Variants in SYT1 observed in about 807,000 individuals in gnomAD.
SYT1 encodes the protein synaptotagmin-1.
Under a neutral mutation model 44.8 loss-of-function variants are expected in SYT1, and 8 were observed. The observed-to-expected ratio is 0.18, with a 90% CI of 0.10 to 0.32. SYT1 has a LOEUF of 0.32. Among genes scored for constraint, SYT1 ranks in the 10% least tolerant of loss-of-function variants. The probability of loss-of-function intolerance (pLI) is 1.00; values close to 1 mark genes in which losing one functional copy is unlikely to be tolerated. For synonymous variants in SYT1, 154 were observed against 188.8 expected (o/e 0.82, Z 1.51); for missense variants, 286 against 509.3 (o/e 0.56, Z 4.22).
chr12:78,896,462 T>C (rs573287016), intron 1 of SYT1, among the ~76,000 whole-genome samples: 2 of 151,828 alleles, frequency 1.3e-5, no homozygotes, highest in East Asian at 3.9e-4. Context: ...GATAAATCTA[T>C]TGGGAAAAAA....
At chr12:78,973,822 G>A (rs1228091259) in intron 1 of SYT1, among the ~76,000 whole-genome samples, 3 of 147,924 alleles carry the variant, frequency 2.0e-5, no homozygotes, top group Non-Finnish European at 4.5e-5. Context: ...TGATGTTCTA[G>A]GTCCTAGACA....
intron 4 of SYT1, among the ~76,000 whole-genome samples, chr12:79,244,049 A>G (rs1414381658): frequency 6.6e-6 from 1 of 152,250 alleles, no homozygotes; most frequent in East Asian, 1.9e-4. Flanking sequence ...ACCCAGTTTC[A>G]TAATGAACTC....
At chr12:79,126,666 A>G (rs1868463975) in intron 3 of SYT1, among the ~76,000 whole-genome samples, 1 of 152,212 alleles carries the variant, frequency 6.6e-6, no homozygotes, top group South Asian at 2.1e-4. Context: ...TAAAGTATCT[A>G]TCTGGACACC....
intron 1 of SYT1, among the ~76,000 whole-genome samples, chr12:78,899,832 T>C (rs1158698005): frequency 6.6e-6 from 1 of 152,106 alleles, no homozygotes; most frequent in Non-Finnish European, 1.5e-5. Context: ...AATAATTTTA[T>C]AGCTAGATTA....
At chr12:79,172,605 C>A (rs1282755534) in intron 3 of SYT1, among the ~76,000 whole-genome samples, 1 of 151,742 alleles carries the variant, frequency 6.6e-6, no homozygotes, top group Non-Finnish European at 1.5e-5. Flanking sequence ...TTATGTGGGG[C>A]AATCTAATAT....
chr12:79,180,206 T>TTC (rs36079717), intron 3 of SYT1, among the ~76,000 whole-genome samples: 109,752 of 151,752 alleles, frequency 0.72, 40,426 homozygotes, highest in African/African-American at 0.83. Flanking sequence ...AAACCATTAT[T>TTC]TCTTTGAAAA....
chr12:79,315,809 A>T (rs935581449), intron 8 of SYT1, among the ~76,000 whole-genome samples: 2 of 152,166 alleles, frequency 1.3e-5, no homozygotes, highest in Non-Finnish European at 2.9e-5. Flanking sequence ...AGAGCTCAAG[A>T]TGTAAATGCC....
At chr12:79,435,943 G>A (rs1870063292) in intron 9 of SYT1, among the ~76,000 whole-genome samples, 1 of 152,108 alleles carries the variant, frequency 6.6e-6, no homozygotes, top group Admixed American at 6.6e-5. Context: ...CCTGCTTTAA[G>A]GATATCTATG....
In SYT1 at chr12:78,953,081, T is replaced by A. The variant is rs1414690065; in HGVS notation, c.-216-24718T>A. On this transcript the variant is annotated intron_variant, in intron 1 of 10. Transcript: ENST00000261205. ...GAAGCAGAACTGTCTATTTTCTTCA[T>A]CACTGTATTCTAGCCTTTAACACAT... 2.0e-5 allele frequency among the ~76,000 whole-genome samples: 3 copies of A among 152,094 alleles called. No individual in the cohort carries two copies. The East Asian group carries it at 5.8e-4, about 29-fold the overall frequency.
chr12:79,447,740 C>T (rs775645353), intron 10 of SYT1, among the ~76,000 whole-genome samples: 64 of 152,074 alleles, frequency 4.2e-4, no homozygotes, highest in Non-Finnish European at 7.4e-4. Context: ...GAAGATTGTC[C>T]GTTTTATTGA....
intron 2 of SYT1, among the ~76,000 whole-genome samples, chr12:79,026,691 ATATATATAT>A (rs1203701763): frequency 2.2e-5 from 3 of 139,322 alleles, no homozygotes; most frequent in African/African-American, 8.0e-5. Flanking sequence ...ATATATATAT[ATATATATAT>A]ATCACACTTT....
At chr12:79,114,038 C>T (rs1302976941) in intron 3 of SYT1, among the ~76,000 whole-genome samples, 1 of 152,158 alleles carries the variant, frequency 6.6e-6, no homozygotes, top group Non-Finnish European at 1.5e-5. Context: ...TCATGGTCCT[C>T]ACCTTCACTA....
At chr12:79,284,251 A>C (rs1879192141) in intron 4 of SYT1, among the ~76,000 whole-genome samples, 1 of 152,206 alleles carries the variant, frequency 6.6e-6, no homozygotes, top group African/African-American at 2.4e-5. Context: ...AAGGCATACC[A>C]AATAAGAAAA....
intron 10 of SYT1, 31 bp from the exon 11 acceptor site, chr12:79,448,887 T>G: frequency 1.9e-6 from 3 of 1,606,440 alleles, no homozygotes; most frequent in Non-Finnish European, 2.6e-6. Context: ...TAGAGCTAGA[T>G]GATTCATATT....
intron 8 of SYT1, among the ~76,000 whole-genome samples, chr12:79,333,780 C>G (rs990439740): frequency 1.3e-5 from 2 of 152,160 alleles, no homozygotes; most frequent in African/African-American, 4.8e-5. Flanking sequence ...TTCCTACCAG[C>G]TCTTTGTTAT....
chr12:79,152,191 G>A (rs1870313221), intron 3 of SYT1, among the ~76,000 whole-genome samples: 1 of 152,128 alleles, frequency 6.6e-6, no homozygotes, highest in Non-Finnish European at 1.5e-5. Context: ...AAAAGAATGT[G>A]CAGATGTAGG....
chr12:79,090,494 A>G (rs1207272478), intron 3 of SYT1, among the ~76,000 whole-genome samples: 1 of 151,942 alleles, frequency 6.6e-6, no homozygotes, highest in Non-Finnish European at 1.5e-5. Context: ...TTCCTGAAGA[A>G]TTCGCCCCAT....
intron 1 of SYT1, among the ~76,000 whole-genome samples, chr12:78,933,603 C>T (rs77414363): frequency 6.6e-6 from 1 of 151,968 alleles, no homozygotes; most frequent in African/African-American, 2.4e-5. Flanking sequence ...TTTGCTAGTA[C>T]AGTTTATTAA....
chr12:79,360,312 C>A (rs1021338504), intron 9 of SYT1, among the ~76,000 whole-genome samples: 3 of 152,040 alleles, frequency 2.0e-5, no homozygotes, highest in African/African-American at 7.2e-5. Flanking sequence ...CTGAAAAATA[C>A]CTGGCCCACA....
Sources: allele counts gnomAD v4.1 joint callset (sites outside exome capture counted in the v4.1 genomes callset), GRCh38; gene constraint gnomAD v4.1.1; transcripts MANE v1.5; gene names NCBI Gene and HGNC (gene_info 2026-07-23, HGNC 2026-07-21).